GRIK2: variants seen among roughly 807,000 people sequenced by gnomAD.
GRIK2 encodes the protein glutamate receptor ionotropic, kainate 2.
Under a neutral mutation model 100.3 loss-of-function variants are expected in GRIK2, and 32 were observed. The observed-to-expected ratio is 0.32, with a 90% CI of 0.24 to 0.43. The LOEUF (loss-of-function observed/expected upper bound fraction) is 0.43. Among genes scored for constraint, GRIK2 ranks in the 20% least tolerant of loss-of-function variants. The pLI, the probability that GRIK2 is intolerant of heterozygous loss-of-function variation, is 1.00. For synonymous variants in GRIK2, 417 were observed against 389.4 expected (o/e 1.07, Z -0.83); for missense variants, 843 against 1,114.9 (o/e 0.76, Z 3.47).
chr6:101,637,896 G>A (rs934975738), intron 4 of GRIK2, among the ~76,000 whole-genome samples: 1 of 151,994 alleles, frequency 6.6e-6, no homozygotes, highest in Admixed American at 6.6e-5. Flanking sequence ...TGCCTGATGT[G>A]TCTTTCCCAT....
At chr6:102,066,046 C>T (rs1772002089) in intron 16 of GRIK2, 2 of 462,732 alleles carry the variant, frequency 4.3e-6, no homozygotes, top group Non-Finnish European at 7.2e-6. Context: ...ACACATAATA[C>T]ATAATGCATG....
chr6:101,678,671 G>A (rs549775647), intron 5 of GRIK2, among the ~76,000 whole-genome samples: 1 of 152,236 alleles, frequency 6.6e-6, no homozygotes, highest in East Asian at 1.9e-4. Flanking sequence ...ATTTTTCTGA[G>A]ATTCCTGAAC....
intron 14 of GRIK2, among the ~76,000 whole-genome samples, chr6:101,945,633 TTAC>T (rs1791225725): frequency 2.0e-5 from 3 of 152,176 alleles, no homozygotes; most frequent in Admixed American, 6.6e-5. Flanking sequence ...GCTTATAAGT[TTAC>T]TACTATTTTG....
At chr6:101,397,777 C>T (rs1280365971) in intron 1 of GRIK2, among the ~76,000 whole-genome samples, 1 of 151,982 alleles carries the variant, frequency 6.6e-6, no homozygotes, top group South Asian at 2.1e-4. Context: ...GAGATTTAAC[C>T]TATGCCCTGT....
chr6:101,657,901 G>A (rs564337820), intron 4 of GRIK2, among the ~76,000 whole-genome samples: 1 of 151,934 alleles, frequency 6.6e-6, no homozygotes, highest in Non-Finnish European at 1.5e-5. Flanking sequence ...AGTATAGAGA[G>A]AATTATCCCT....
Position 101,488,605 on chromosome 6 carries a change from C to T in GRIK2, c.115+89213C>T. On this transcript the variant is annotated intron_variant, in intron 2 of 16. Transcript: ENST00000369134. ...ATTGGTTTTGCAGGAACCTGATTTCCAATTTTGCTTTTGCCATAAATGACT... is the reference window on the plus strand; with the variant it reads ...ATTGGTTTTGCAGGAACCTGATTTCTAATTTTGCTTTTGCCATAAATGACT... 1.4e-5 allele frequency among the ~76,000 whole-genome samples: 2 copies of T among 146,356 alleles called. 1 individual carries two copies.
chr6:101,928,911 T>TC (rs1191175622), intron 14 of GRIK2, among the ~76,000 whole-genome samples: 6 of 152,198 alleles, frequency 3.9e-5, no homozygotes, highest in Admixed American at 3.9e-4. Flanking sequence ...AGTAAGCTTT[T>TC]CTTTTTGAAT....
chr6:101,869,648 G>A (rs1785264729), intron 11 of GRIK2, among the ~76,000 whole-genome samples: 2 of 151,808 alleles, frequency 1.3e-5, no homozygotes, highest in African/African-American at 4.8e-5. Context: ...TAGTCTCACT[G>A]TCCAGTGTGC....
intron 12 of GRIK2, among the ~76,000 whole-genome samples, chr6:101,900,333 A>C (rs998148974): frequency 1.3e-5 from 2 of 151,974 alleles, no homozygotes; most frequent in Non-Finnish European, 2.9e-5. Context: ...GCGTGGTGGC[A>C]CATGCCTGTA....
chr6:101,789,232 T>G (rs1779655321), intron 7 of GRIK2, among the ~76,000 whole-genome samples: 1 of 152,254 alleles, frequency 6.6e-6, no homozygotes, highest in Admixed American at 6.5e-5. Context: ...TTGTCAATTT[T>G]GGCTTTTGTT....
chr6:101,601,473 CCTT>C (rs923544466), intron 2 of GRIK2, among the ~76,000 whole-genome samples: 1 of 151,912 alleles, frequency 6.6e-6, no homozygotes, highest in African/African-American at 2.4e-5. Flanking sequence ...AGGAATCCCT[CCTT>C]CTTGATGTTT....
At chr6:102,034,262 G>T (rs953606473) in intron 14 of GRIK2, among the ~76,000 whole-genome samples, 1 of 151,312 alleles carries the variant, frequency 6.6e-6, no homozygotes, top group Admixed American at 6.6e-5. Flanking sequence ...ACAGTGCCAG[G>T]ATTTTTCTCT....
intron 2 of GRIK2, among the ~76,000 whole-genome samples, chr6:101,500,270 G>A (rs997192014): frequency 6.6e-5 from 10 of 152,008 alleles, no homozygotes; most frequent in Non-Finnish European, 1.2e-4. Flanking sequence ...AATGAGTTTA[G>A]GGATTCAAGA....
intron 7 of GRIK2, among the ~76,000 whole-genome samples, chr6:101,703,417 T>A (rs1355217256): frequency 2.0e-5 from 3 of 151,888 alleles, no homozygotes; most frequent in Admixed American, 6.6e-5. Context: ...CAAATCAAGC[T>A]ATGAGAACTG....
chr6:101,448,769 C>T (rs1031343912), intron 2 of GRIK2, among the ~76,000 whole-genome samples: 1 of 151,460 alleles, frequency 6.6e-6, no homozygotes, highest in African/African-American at 2.4e-5. Context: ...CAGAAACACA[C>T]ATCAATTTAA....
At chr6:101,488,677 A>T (rs1772950788) in intron 2 of GRIK2, among the ~76,000 whole-genome samples, 1 of 146,682 alleles carries the variant, frequency 6.8e-6, no homozygotes, top group Non-Finnish European at 1.5e-5. Flanking sequence ...TCTACAACAA[A>T]TTGCTCAGCC....
chr6:101,923,801 G>A (rs1490882056), intron 12 of GRIK2, among the ~76,000 whole-genome samples: 1 of 151,596 alleles, frequency 6.6e-6, no homozygotes, highest in East Asian at 2.0e-4. Flanking sequence ...TGCACCTGTA[G>A]TCACAGCTAC....
At chr6:101,674,559 C>G (rs1014189867) in intron 4 of GRIK2, among the ~76,000 whole-genome samples, 1 of 152,166 alleles carries the variant, frequency 6.6e-6, no homozygotes, top group Non-Finnish European at 1.5e-5. Flanking sequence ...GCAGGTATTA[C>G]AAGTTCAAGT....
intron 2 of GRIK2, among the ~76,000 whole-genome samples, chr6:101,516,843 T>C (rs1774611118): frequency 6.6e-6 from 1 of 152,030 alleles, no homozygotes; most frequent in Non-Finnish European, 1.5e-5. Flanking sequence ...CAACCCTTAA[T>C]ATATATATAT....
Sources: allele counts gnomAD v4.1 joint callset (sites outside exome capture counted in the v4.1 genomes callset), GRCh38; gene constraint gnomAD v4.1.1; transcripts MANE v1.5; gene names NCBI Gene and HGNC (gene_info 2026-07-23, HGNC 2026-07-21).